Variants in SPATA13 observed in about 807,000 individuals in gnomAD.
SPATA13 encodes the protein spermatogenesis-associated protein 13.
In SPATA13, 50 loss-of-function variants were observed where a neutral mutation model predicts 104.0. That is an observed-to-expected ratio of 0.48 (90% CI 0.38 to 0.61). SPATA13 has a LOEUF of 0.61. Among genes scored for constraint, SPATA13 ranks in the 20% least tolerant of loss-of-function variants. The pLI, the probability that SPATA13 is intolerant of heterozygous loss-of-function variation, is 0.00. For synonymous variants in SPATA13, 606 were observed against 667.5 expected (o/e 0.91, Z 1.42); for missense variants, 1,524 against 1,690.6 (o/e 0.90, Z 1.73).
At chr13:24,027,113 C>G (rs1191864526) in intron 3 of SPATA13, among the ~76,000 whole-genome samples, 1 of 146,458 alleles carries the variant, frequency 6.8e-6, no homozygotes, top group Non-Finnish European at 1.5e-5. Context: ...CCTTTTTGTT[C>G]CTGATATTTT....
chr13:23,990,583 A>G (rs751325770), intron 2 of SPATA13, among the ~76,000 whole-genome samples: 21 of 152,158 alleles, frequency 1.4e-4, no homozygotes, highest in South Asian at 2.1e-4. Context: ...GTCTTGCCCA[A>G]CACTCCCCAG....
intron 3 of SPATA13, among the ~76,000 whole-genome samples, chr13:24,039,851 G>A (rs891641208): frequency 4.6e-5 from 7 of 152,182 alleles, no homozygotes; most frequent in African/African-American, 1.7e-4. Flanking sequence ...CTCCAGGAAA[G>A]CACACTTTCA....
intron 3 of SPATA13, among the ~76,000 whole-genome samples, chr13:24,028,427 C>T (rs991094961): frequency 1.6e-4 from 25 of 152,198 alleles, no homozygotes; most frequent in Non-Finnish European, 3.5e-4. Context: ...GTTAGTTTCT[C>T]CTAGTACTTT....
At chr13:24,240,122 T>C (rs1872762050) in intron 2 of SPATA13, among the ~76,000 whole-genome samples, 1 of 151,914 alleles carries the variant, frequency 6.6e-6, no homozygotes, top group African/African-American at 2.4e-5. Context: ...CTGGCCAACA[T>C]GGCAAAACCC....
At position 24,237,867 on chromosome 13, in the gene SPATA13, A is replaced by G. The variant is rs9318423; in HGVS notation, c.1654-11610A>G. Among the ~76,000 whole-genome samples the G allele has an allele frequency of 3.4e-3, 502 of 148,280 alleles. 3 individuals carry two copies. The highest frequency in any genetic ancestry group is 0.012 in the African/African-American group (485 of 40,788). ...ATATATAAAATATATCACATATATT[A>G]TATAATATATATCATTTATAATATA... On this transcript the variant is annotated intron_variant, in intron 2 of 12. Transcript: ENST00000382108.
chr13:24,284,085 ATCTTG>A, intron 4 of SPATA13, 45 bp from the exon 5 acceptor site: 4 of 1,557,246 alleles, frequency 2.6e-6, no homozygotes, highest in Non-Finnish European at 3.5e-6. Context: ...ATATGAAAAA[ATCTTG>A]TTAGCTGTGT....
At chr13:24,302,269 T>C (rs1471304894) in intron 12 of SPATA13, among the ~76,000 whole-genome samples, 1 of 151,962 alleles carries the variant, frequency 6.6e-6, no homozygotes, top group Non-Finnish European at 1.5e-5. Flanking sequence ...TTCTTTTTGG[T>C]TAACGTGAAT....
intron 4 of SPATA13, among the ~76,000 whole-genome samples, chr13:24,272,524 G>A (rs12872458): frequency 6.6e-6 from 1 of 152,136 alleles, no homozygotes; most frequent in Admixed American, 6.5e-5. Context: ...AGAGCTCTGA[G>A]AGGGCAGGGG....
chr13:24,151,289 T>C (rs1593362399), intron 3 of SPATA13, among the ~76,000 whole-genome samples: 1 of 152,204 alleles, frequency 6.6e-6, no homozygotes, highest in Non-Finnish European at 1.5e-5. Flanking sequence ...TCTGAATCCT[T>C]GCTCTGTCAA....
chr13:23,990,982 C>A (rs1014539627), intron 2 of SPATA13, among the ~76,000 whole-genome samples: 2 of 152,182 alleles, frequency 1.3e-5, no homozygotes, highest in African/African-American at 4.8e-5. Flanking sequence ...GTTTTATTTG[C>A]CTGGTGTACC....
intron 3 of SPATA13, chr13:24,123,180 C>G: frequency 7.7e-7 from 1 of 1,291,336 alleles, no homozygotes; most frequent in Admixed American, 1.7e-5. Flanking sequence ...CATTACAGGT[C>G]TGATGAATGG....
intron 3 of SPATA13, among the ~76,000 whole-genome samples, chr13:24,089,405 G>A (rs984338294): frequency 1.6e-4 from 24 of 152,178 alleles, no homozygotes; most frequent in African/African-American, 5.6e-4. Context: ...TGCTGTGGAC[G>A]CTAAGGACCA....
chr13:24,065,615 G>T (rs58760424), intron 3 of SPATA13, among the ~76,000 whole-genome samples: 1 of 95,660 alleles, frequency 1.0e-5, no homozygotes, highest in South Asian at 3.6e-4. Flanking sequence ...AAGACAGAGA[G>T]AGACGTCCCC....
At chr13:24,027,434 C>T (rs1288211972) in intron 3 of SPATA13, among the ~76,000 whole-genome samples, 2 of 151,982 alleles carry the variant, frequency 1.3e-5, no homozygotes, top group Non-Finnish European at 2.9e-5. Flanking sequence ...TGCCTGGCTG[C>T]CTTTTCTTTT....
intron 1 of SPATA13, among the ~76,000 whole-genome samples, chr13:24,168,531 C>G (rs1300346541): frequency 6.6e-6 from 1 of 152,102 alleles, no homozygotes; most frequent in Non-Finnish European, 1.5e-5. Flanking sequence ...AATCACTAAG[C>G]AAAACTCTAC....
chr13:24,206,867 G>T (rs1440055836), intron 1 of SPATA13, among the ~76,000 whole-genome samples: 1 of 37,274 alleles, frequency 2.7e-5, no homozygotes, highest in African/African-American at 5.0e-5. Flanking sequence ...ACTCCAGCCT[G>T]GGCAACGAGT....
At chr13:24,114,580 T>C (rs1295195196) in intron 3 of SPATA13, among the ~76,000 whole-genome samples, 2 of 152,150 alleles carry the variant, frequency 1.3e-5, no homozygotes, top group African/African-American at 4.8e-5. Flanking sequence ...TTTTAGATGA[T>C]TTCTTCCATT....
At chr13:24,246,070 C>G (rs769729465) in intron 2 of SPATA13, among the ~76,000 whole-genome samples, 57 of 152,162 alleles carry the variant, frequency 3.7e-4, no homozygotes, top group African/African-American at 1.4e-3. Context: ...AGGCAGGGTG[C>G]GTGTCACGTA....
intron 3 of SPATA13, among the ~76,000 whole-genome samples, chr13:24,138,809 C>T (rs1881662508): frequency 6.7e-6 from 1 of 149,024 alleles, no homozygotes; most frequent in South Asian, 2.1e-4. Flanking sequence ...TCAGGCTGGC[C>T]TCAAACTGCT....
Sources: allele counts gnomAD v4.1 joint callset (sites outside exome capture counted in the v4.1 genomes callset), GRCh38; gene constraint gnomAD v4.1.1; transcripts MANE v1.5; gene names NCBI Gene and HGNC (gene_info 2026-07-23, HGNC 2026-07-21).